The following CARD8 variants were observed in gnomAD, a reference collection of about 807,000 sequenced individuals.
CARD8 encodes caspase recruitment domain family member 8.
In CARD8, 38 loss-of-function variants were observed where a neutral mutation model predicts 53.2. That is an observed-to-expected ratio of 0.71 (90% confidence interval 0.55 to 0.94). CARD8 has a LOEUF of 0.94. CARD8 is among the 40% of genes least tolerant of loss of function. The probability of loss-of-function intolerance (pLI) is 0.00; values close to 1 mark genes in which losing one functional copy is unlikely to be tolerated. For missense variants in CARD8, 561 were observed against 655.5 expected, an observed-to-expected ratio of 0.86 and a Z score of 1.57; for synonymous variants, 245 against 244.9, an observed-to-expected ratio of 1.00 and a Z score of 0.00.
intron 5 of CARD8, 190 bp downstream of exon 5, chr19:48,238,193 T>C: frequency 1.8e-6 from 2 of 1,111,696 alleles, no homozygotes; most frequent in Non-Finnish European, 2.4e-6. Flanking sequence ...GCTCAGACCT[T>C]TTTTCCCTAC....
At chr19:48,206,238 G>A, downstream of CARD8, 1 of 330,766 alleles carries the variant, frequency 3.0e-6, no homozygotes, top group South Asian at 2.3e-5. Context: ...GGGAGACTGG[G>A]GGAGTTACAG....
At chr19:48,237,671 C>T (rs945316563) in intron 5 of CARD8, among the ~76,000 whole-genome samples, 3 of 151,642 alleles carry the variant, frequency 2.0e-5, no homozygotes, top group Non-Finnish European at 4.4e-5. Context: ...GTAGTGGGCA[C>T]CTGTAATTCC....
intron 7 of CARD8, chr19:48,232,040 A>T (rs2043003470): frequency 1.6e-6 from 1 of 614,048 alleles, no homozygotes. Context: ...ACTTTCTGGG[A>T]AGCCAGGCTG....
intron 3 of CARD8, among the ~76,000 whole-genome samples, chr19:48,242,042 T>C (rs922306345): frequency 2.6e-5 from 4 of 152,108 alleles, no homozygotes; most frequent in African/African-American, 9.7e-5. Context: ...ACCTTCTGTC[T>C]CCATAGGTTG....
chr19:48,232,780 C>T (rs1568818994), intron 6 of CARD8: 4 of 588,122 alleles, frequency 6.8e-6, no homozygotes, highest in East Asian at 3.8e-5. Flanking sequence ...TTAGACTGGG[C>T]GGATCTAGAC....
intron 12 of CARD8, among the ~76,000 whole-genome samples, chr19:48,215,940 C>T (rs561980406): frequency 1.3e-5 from 2 of 152,110 alleles, no homozygotes; most frequent in Non-Finnish European, 2.9e-5. Flanking sequence ...ACATGCCCCC[C>T]CCACCCCACC....
intron 11 of CARD8, among the ~76,000 whole-genome samples, chr19:48,221,402 C>T (rs1327657483): frequency 6.6e-6 from 1 of 152,084 alleles, no homozygotes; most frequent in African/African-American, 2.4e-5. Context: ...CTTCAACTAC[C>T]TTAACAAATA....
chr19:48,240,900 A>C, intron 4 of CARD8, 62 bp downstream of exon 4: 1 of 1,256,234 alleles, frequency 8.0e-7, no homozygotes, highest in Non-Finnish European at 1.1e-6. Context: ...TATCTCATGA[A>C]CTATAACGAA....
At chr19:48,236,302 T>A (rs1461147116) in intron 5 of CARD8, among the ~76,000 whole-genome samples, 1 of 152,166 alleles carries the variant, frequency 6.6e-6, no homozygotes, top group Non-Finnish European at 1.5e-5. Flanking sequence ...AACCTCTGCC[T>A]CCCGGGTTCA....
At chr19:48,217,052 G>A (rs971593166) in intron 12 of CARD8, among the ~76,000 whole-genome samples, 2 of 152,048 alleles carry the variant, frequency 1.3e-5, no homozygotes, top group South Asian at 4.2e-4. Flanking sequence ...TAGATCCCTC[G>A]CCTGCACAGT....
chr19:48,213,965 C>T (rs2038618919), intron 13 of CARD8, among the ~76,000 whole-genome samples: 1 of 152,204 alleles, frequency 6.6e-6, no homozygotes. Flanking sequence ...TCTCATGTCA[C>T]CTTTACTCTG....
chr19:48,216,226 G>C (rs922671000), intron 12 of CARD8, among the ~76,000 whole-genome samples: 22 of 151,982 alleles, frequency 1.4e-4, no homozygotes. Flanking sequence ...GATGTTTACA[G>C]AGAAATGGAG....
rs1308957719 is a variant in CARD8, at chr19:48,211,119, C to G, written c.*591G>C. The G allele has an allele frequency of 2.0e-5, 3 of 152,372 alleles. No homozygotes were observed. The highest frequency in any genetic ancestry group is 7.2e-5 in the African/African-American group (3 of 41,414). The allele number at this position is 152,372 out of a possible 1,614,324, so 9.4% of individuals were successfully genotyped here. ...CACACCAGTGGGAAAATATTTTCTGCTCATGTTTGCATTTTCTCCCATTTT... is the reference window on the plus strand; with the variant it reads ...CACACCAGTGGGAAAATATTTTCTGGTCATGTTTGCATTTTCTCCCATTTT... On this transcript the variant is annotated 3_prime_UTR_variant, in exon 14 of 14. Transcript: ENST00000651546.
chr19:48,234,204 T>C (rs1333870645), intron 6 of CARD8, 199 bp downstream of exon 6: 1 of 557,260 alleles, frequency 1.8e-6, no homozygotes, highest in Non-Finnish European at 3.1e-6. Context: ...GTATAGGTTC[T>C]CTAGACACCT....
chr19:48,215,851 T>A (rs1305543744), intron 12 of CARD8, among the ~76,000 whole-genome samples: 2 of 152,182 alleles, frequency 1.3e-5, no homozygotes, highest in Non-Finnish European at 1.5e-5. Context: ...ATTAAAAAAA[T>A]TTCCCATGAT....
chr19:48,219,049 G>A, intron 11 of CARD8, 37 bp from the exon 12 acceptor site: 1 of 1,608,984 alleles, frequency 6.2e-7, no homozygotes, highest in Non-Finnish European at 8.5e-7. Context: ...AAGCAGTGGA[G>A]GGTGGAAAGG....
intron 5 of CARD8, among the ~76,000 whole-genome samples, chr19:48,235,413 G>C (rs892623429): frequency 6.6e-6 from 1 of 152,162 alleles, no homozygotes; most frequent in East Asian, 1.9e-4. Context: ...GCCACACGTG[G>C]CTCTTGCCTG....
downstream of CARD8, chr19:48,204,293 T>TAACA (rs766031454): frequency 3.5e-5 from 15 of 428,044 alleles, no homozygotes; most frequent in Non-Finnish European, 6.2e-5. Flanking sequence ...GAAATTAGAC[T>TAACA]AACAGCCTGG....
chr19:48,212,535 A>G (rs558207790), intron 13 of CARD8, among the ~76,000 whole-genome samples: 24 of 152,374 alleles, frequency 1.6e-4, no homozygotes, highest in African/African-American at 5.5e-4. Flanking sequence ...TAATGTCTGT[A>G]TAAACTTGGC....
Sources: allele counts gnomAD v4.1 joint callset (sites outside exome capture counted in the v4.1 genomes callset), GRCh38; gene constraint gnomAD v4.1.1; transcripts MANE v1.5; gene names NCBI Gene and HGNC (gene_info 2026-07-23, HGNC 2026-07-21).